Variants in TENM2 observed in about 807,000 individuals in gnomAD.
TENM2 encodes teneurin transmembrane protein 2.
A neutral mutation model predicts 245.2 loss-of-function variants in TENM2; 52 were observed. The observed-to-expected ratio is 0.21, with a 90% confidence interval of 0.17 to 0.27. The LOEUF is 0.27. Ranked by LOEUF, TENM2 falls within the 10% of genes least tolerant of loss-of-function variation. The pLI, the probability that TENM2 is intolerant of heterozygous loss-of-function variation, is 1.00. For missense variants in TENM2, 3,046 were observed against 3,666.8 expected (o/e 0.83, Z 4.37); for synonymous variants, 1,363 against 1,438.9 (o/e 0.95, Z 1.19).
chr5:167,376,700 C>T (rs1285145212), intron 2 of TENM2, among the ~76,000 whole-genome samples: 1 of 152,102 alleles, frequency 6.6e-6, no homozygotes, highest in Non-Finnish European at 1.5e-5. Flanking sequence ...AAGGTGTACT[C>T]TCAAGGAAAA....
chr5:168,168,331 C>A (rs1196979755), intron 13 of TENM2, among the ~76,000 whole-genome samples: 1 of 152,114 alleles, frequency 6.6e-6, no homozygotes, highest in Admixed American at 6.6e-5. Context: ...ATCCCCAGAA[C>A]ACAGGAGTGC....
chr5:168,032,491 G>C (rs1006006899), intron 5 of TENM2, among the ~76,000 whole-genome samples: 1 of 152,144 alleles, frequency 6.6e-6, no homozygotes, highest in African/African-American at 2.4e-5. Flanking sequence ...GAGGAGGTTA[G>C]GACTCTTAGA....
At chr5:167,309,468 T>C (rs950278958) in intron 1 of TENM2, among the ~76,000 whole-genome samples, 2 of 152,172 alleles carry the variant, frequency 1.3e-5, no homozygotes, top group Admixed American at 1.3e-4. Flanking sequence ...CCAAGGAACA[T>C]CTATAGAATA....
At chr5:167,456,980 C>T (rs575086223) in intron 2 of TENM2, among the ~76,000 whole-genome samples, 4 of 152,288 alleles carry the variant, frequency 2.6e-5, no homozygotes, top group African/African-American at 9.6e-5. Flanking sequence ...TTTCTCAGTC[C>T]ACTCTGCTGT....
intron 15 of TENM2, among the ~76,000 whole-genome samples, chr5:168,198,035 C>G (rs1414449803): frequency 6.6e-6 from 1 of 152,062 alleles, no homozygotes; most frequent in Non-Finnish European, 1.5e-5. Flanking sequence ...ACACGAGTGG[C>G]CAGCAAACAT....
chr5:168,198,856 C>A (rs769209829), exon 16 of TENM2: 1 of 1,613,564 alleles, frequency 6.2e-7, no homozygotes. Flanking sequence ...TCTCCAGGTT[C>A]GACCTGATCG....
At position 167,755,436 on chromosome 5, in the gene TENM2, A is replaced by T. The variant is rs1461118606; in HGVS notation, c.503-120550A>T. On this transcript the variant is annotated intron_variant, in intron 2 of 28. Transcript: ENST00000518659. ...GAATTTTTTTTTTGCTACCTTCATG[A>T]TATCTGCCAGGTATTTCACCAGAAA... Among the ~76,000 whole-genome samples, 3 of 144,350 alleles carry T rather than the reference A, an allele frequency of 2.1e-5. No homozygotes were observed. In the Admixed American group the frequency reaches 2.1e-4, roughly 10 times the overall value. 94.7% of individuals were successfully genotyped at this position (144,350 alleles called of 152,430 possible).
chr5:167,376,212 G>T (rs1408131162), intron 2 of TENM2, among the ~76,000 whole-genome samples: 4 of 152,078 alleles, frequency 2.6e-5, no homozygotes. Flanking sequence ...TTTTTTGTGG[G>T]TTTCTGAGCA....
the TENM2 span, among the ~76,000 whole-genome samples, chr5:167,045,932 C>T: frequency 8.5e-5 from 13 of 152,246 alleles, no homozygotes; most frequent in African/African-American, 2.6e-4. Flanking sequence ...CAGAGGGAAG[C>T]GTGGAAAGAG....
At chr5:167,599,688 G>T (rs180852057) in intron 2 of TENM2, among the ~76,000 whole-genome samples, 5 of 151,996 alleles carry the variant, frequency 3.3e-5, no homozygotes, top group South Asian at 2.1e-4. Context: ...GTTTTGTTGG[G>T]TTTTTTTATT....
At chr5:167,214,091 A>G in the TENM2 span, among the ~76,000 whole-genome samples, 1 of 152,220 alleles carries the variant, frequency 6.6e-6, no homozygotes, top group Non-Finnish European at 1.5e-5. Flanking sequence ...TTCCAGGGAA[A>G]GCCATTCCCA....
At chr5:166,980,756 C>G in the TENM2 span, among the ~76,000 whole-genome samples, 29 of 152,106 alleles carry the variant, frequency 1.9e-4, no homozygotes, top group African/African-American at 7.0e-4. Flanking sequence ...TGTGGTACAG[C>G]AGGTTGCAGT....
chr5:168,102,543 A>G (rs1793908443), intron 9 of TENM2, among the ~76,000 whole-genome samples: 1 of 152,216 alleles, frequency 6.6e-6, no homozygotes, highest in African/African-American at 2.4e-5. Flanking sequence ...AGAATGCCAA[A>G]AGGGGACTTG....
At chr5:167,984,195 G>A (rs560924603) in intron 4 of TENM2, among the ~76,000 whole-genome samples, 22 of 152,106 alleles carry the variant, frequency 1.4e-4, no homozygotes, top group Non-Finnish European at 2.8e-4. Flanking sequence ...ACTTAAAACT[G>A]CCTTCTAGGT....
intron 2 of TENM2, among the ~76,000 whole-genome samples, chr5:167,416,059 T>G (rs894303498): frequency 6.6e-6 from 1 of 152,170 alleles, no homozygotes; most frequent in Non-Finnish European, 1.5e-5. Context: ...CAGTTTGGGT[T>G]AGGAAATTTG....
At chr5:166,997,258 A>C in the TENM2 span, among the ~76,000 whole-genome samples, 1 of 152,246 alleles carries the variant, frequency 6.6e-6, no homozygotes, top group Admixed American at 6.5e-5. Flanking sequence ...ATAGTTACCA[A>C]GAAGAACTGA....
chr5:167,217,421 T>C, the TENM2 span, among the ~76,000 whole-genome samples: 1 of 152,094 alleles, frequency 6.6e-6, no homozygotes, highest in African/African-American at 2.4e-5. Flanking sequence ...TGAGATTACT[T>C]TAGGAAGTAT....
chr5:167,508,071 G>A (rs1479961383), intron 2 of TENM2, among the ~76,000 whole-genome samples: 4 of 152,098 alleles, frequency 2.6e-5, no homozygotes, highest in African/African-American at 4.8e-5. Context: ...ATGTGGAAAC[G>A]AAAGGCAGAT....
At chr5:167,352,015 G>T (rs564847768) in intron 1 of TENM2, among the ~76,000 whole-genome samples, 6 of 152,258 alleles carry the variant, frequency 3.9e-5, no homozygotes, top group African/African-American at 1.4e-4. Flanking sequence ...CTAGAGCAAA[G>T]ACTGAAGACT....
Sources: allele counts gnomAD v4.1 joint callset (sites outside exome capture counted in the v4.1 genomes callset), GRCh38; gene constraint gnomAD v4.1.1; transcripts MANE v1.5; gene names NCBI Gene and HGNC (gene_info 2026-07-23, HGNC 2026-07-21).